The following GSTCD variants were observed in gnomAD, a reference collection of about 807,000 sequenced individuals.
GSTCD encodes glutathione S-transferase C-terminal domain-containing protein.
GSTCD carries 44 observed loss-of-function variants against 68.3 expected under a neutral mutation model. The observed-to-expected ratio is 0.64, with a 90% CI of 0.51 to 0.83. The LOEUF is 0.83. Ranked by LOEUF, GSTCD falls within the 40% of genes least tolerant of loss-of-function variation. The probability of loss-of-function intolerance (pLI) is 0.00; values close to 1 mark genes in which losing one functional copy is unlikely to be tolerated. For synonymous variants in GSTCD, 273 were observed against 255.2 expected, an observed-to-expected ratio of 1.07 and a Z score of -0.67; for missense variants, 739 against 735.9, an observed-to-expected ratio of 1.00 and a Z score of -0.05.
chr4:105,711,376 C>T (rs748017367), intron 1 of GSTCD, among the ~76,000 whole-genome samples: 34 of 152,168 alleles, frequency 2.2e-4, no homozygotes, highest in Non-Finnish European at 3.4e-4. Context: ...TTCATGATTC[C>T]CTGGCTTTCA....
chr4:105,734,994 G>A (rs771458212), intron 5 of GSTCD, among the ~76,000 whole-genome samples: 14 of 152,148 alleles, frequency 9.2e-5, no homozygotes, highest in African/African-American at 2.4e-4. Flanking sequence ...GCAGAACAGC[G>A]AATATTGTTG....
chr4:105,831,694 T>C (rs972640457), intron 8 of GSTCD, among the ~76,000 whole-genome samples: 2 of 152,172 alleles, frequency 1.3e-5, no homozygotes, highest in Non-Finnish European at 2.9e-5. Flanking sequence ...GCCTTTTGTT[T>C]GTGCTGTAAG....
intron 5 of GSTCD, among the ~76,000 whole-genome samples, chr4:105,744,876 G>A (rs1411873416): frequency 1.2e-5 from 1 of 84,426 alleles, no homozygotes; most frequent in East Asian, 9.6e-4. Flanking sequence ...GGACCTGTAT[G>A]TATAGATCTA....
chr4:105,802,912 G>A (rs1295453263), intron 5 of GSTCD, among the ~76,000 whole-genome samples: 1 of 152,072 alleles, frequency 6.6e-6, no homozygotes, highest in Admixed American at 6.6e-5. Context: ...ATCTCTTGAA[G>A]TAGTTGGGCA....
At chr4:105,728,680 T>TATAGATATATAGATATAG (rs368056265) in intron 4 of GSTCD, among the ~76,000 whole-genome samples, 128 of 146,942 alleles carry the variant, frequency 8.7e-4, no homozygotes, top group African/African-American at 3.1e-3. Flanking sequence ...TAGATATAGA[T>TATAGATATATAGATATAG]ATATAGATAT....
chr4:105,741,720 A>G (rs890986460), intron 5 of GSTCD, among the ~76,000 whole-genome samples: 1 of 152,162 alleles, frequency 6.6e-6, no homozygotes, highest in African/African-American at 2.4e-5. Flanking sequence ...AGTTCATGGA[A>G]TATATTACTC....
intron 5 of GSTCD, among the ~76,000 whole-genome samples, chr4:105,734,813 A>T (rs1415752672): frequency 1.3e-5 from 2 of 151,796 alleles, no homozygotes; most frequent in East Asian, 3.9e-4. Context: ...TTGTGGTTTT[A>T]TCTCCCTTTG....
intron 5 of GSTCD, among the ~76,000 whole-genome samples, chr4:105,758,582 C>T (rs1255634998): frequency 6.6e-6 from 1 of 152,200 alleles, no homozygotes; most frequent in Non-Finnish European, 1.5e-5. Flanking sequence ...TGCTGCTGTG[C>T]TTCCTGTACA....
At chr4:105,812,499 T>C (rs1722796298) in intron 5 of GSTCD, among the ~76,000 whole-genome samples, 1 of 152,104 alleles carries the variant, frequency 6.6e-6, no homozygotes, top group Non-Finnish European at 1.5e-5. Context: ...CATACCTGGC[T>C]GTATACTATG....
chr4:105,711,971 CATTTT>C (rs1452607387), intron 1 of GSTCD, among the ~76,000 whole-genome samples: 5 of 152,144 alleles, frequency 3.3e-5, no homozygotes, highest in Admixed American at 3.3e-4. Context: ...CTTATTTCTT[CATTTT>C]AATTTATACT....
intron 5 of GSTCD, among the ~76,000 whole-genome samples, chr4:105,814,499 G>C (rs1722891466): frequency 6.6e-6 from 1 of 152,112 alleles, no homozygotes; most frequent in Non-Finnish European, 1.5e-5. Context: ...TGTAATCCCA[G>C]CTACTCGGAG....
At chr4:105,734,093 G>A (rs576707129) in intron 5 of GSTCD, among the ~76,000 whole-genome samples, 97 of 152,238 alleles carry the variant, frequency 6.4e-4, no homozygotes, top group African/African-American at 1.8e-3. Context: ...TGGGTACCCC[G>A]ACCTTTCTCT....
chr4:105,799,758 A>G (rs946224793), intron 5 of GSTCD, among the ~76,000 whole-genome samples: 2 of 152,096 alleles, frequency 1.3e-5, no homozygotes, highest in Admixed American at 6.6e-5. Context: ...ACACAGAAAC[A>G]TAAAGTGAAC....
At chr4:105,802,860 G>A (rs571815474) in intron 5 of GSTCD, among the ~76,000 whole-genome samples, 2 of 152,046 alleles carry the variant, frequency 1.3e-5, no homozygotes, top group African/African-American at 2.4e-5. Flanking sequence ...CTGGGATCAC[G>A]TAGGATGTAT....
At chr4:105,718,995 T>G in intron 2 of GSTCD, 65 bp from the exon 3 acceptor site, 11 of 1,284,242 alleles carry the variant, frequency 8.6e-6, no homozygotes, top group Non-Finnish European at 1.2e-5. Context: ...AAGACAGTTA[T>G]TTTTTCTAAA....
At chr4:105,832,420 A>C (rs1197663859) in intron 8 of GSTCD, among the ~76,000 whole-genome samples, 1 of 152,240 alleles carries the variant, frequency 6.6e-6, no homozygotes, top group African/African-American at 2.4e-5. Context: ...TAGTTATTCA[A>C]GTTACTTATT....
intron 5 of GSTCD, among the ~76,000 whole-genome samples, chr4:105,732,659 T>A (rs1294669): frequency 0.61 from 92,948 of 151,858 alleles, 33,855 homozygotes; most frequent in East Asian, 0.9. Context: ...ATTCATTGAT[T>A]TTTTGAAGGG....
At chr4:105,746,029 T>C (rs1733788902) in intron 5 of GSTCD, among the ~76,000 whole-genome samples, 1 of 152,138 alleles carries the variant, frequency 6.6e-6, no homozygotes, top group African/African-American at 2.4e-5. Context: ...TGCCACCTAC[T>C]TTAGAGTACA....
intron 5 of GSTCD, among the ~76,000 whole-genome samples, chr4:105,731,878 A>T (rs1011657185): frequency 3.3e-5 from 5 of 152,190 alleles, no homozygotes; most frequent in African/African-American, 4.8e-5. Context: ...TCAATACCTA[A>T]TTTATTGAGA....
Sources: gnomAD v4.1 joint callset for allele counts (sites outside exome capture counted in the v4.1 genomes callset) on GRCh38, gnomAD v4.1.1 for gene constraint, MANE v1.5 for transcripts, NCBI Gene and HGNC (gene_info 2026-07-23, HGNC 2026-07-21) for gene names.